The following PPM1A variants were observed in gnomAD, a reference collection of about 807,000 sequenced individuals.
PPM1A encodes the protein protein phosphatase 1A.
Under a neutral mutation model 35.0 loss-of-function variants are expected in PPM1A, and 7 were observed. The ratio of observed to expected loss-of-function variants is 0.20; its 90% CI spans 0.11 to 0.38. PPM1A has a LOEUF of 0.38. PPM1A is among the 10% of genes least tolerant of loss of function. PPM1A has a pLI of 1.00. For missense variants in PPM1A, 239 were observed against 467.8 expected, an observed-to-expected ratio of 0.51 and a Z score of 4.51; for synonymous variants, 153 against 167.3, an observed-to-expected ratio of 0.91 and a Z score of 0.66.
At chr14:60,279,162 G>A (rs916409937) in intron 1 of PPM1A, among the ~76,000 whole-genome samples, 5 of 152,082 alleles carry the variant, frequency 3.3e-5, no homozygotes, top group South Asian at 4.1e-4. Flanking sequence ...CTTGCTGCCC[G>A]GGCTAGAGTG....
intron 2 of PPM1A, among the ~76,000 whole-genome samples, 183 bp from the exon 3 acceptor site, chr14:60,285,441 C>G (rs1006482250): frequency 1.3e-5 from 2 of 150,654 alleles, no homozygotes; most frequent in South Asian, 2.1e-4. Context: ...CTATACTGTT[C>G]GGGGGAGGGG....
intron 3 of PPM1A, chr14:60,286,692 C>CT (rs1193265905): frequency 7.1e-6 from 7 of 984,318 alleles, no homozygotes; most frequent in Non-Finnish European, 8.4e-6. Flanking sequence ...TTTTTTTCCC[C>CT]TTTTTACTGT....
At chr14:60,281,885 A>C (rs1386124134) in intron 1 of PPM1A, among the ~76,000 whole-genome samples, 1 of 152,212 alleles carries the variant, frequency 6.6e-6, no homozygotes, top group Non-Finnish European at 1.5e-5. Context: ...TGTTATTACT[A>C]TATGATTAAT....
At chr14:60,247,576 G>GTA (rs1881865862), upstream of PPM1A, among the ~76,000 whole-genome samples, 2 of 143,792 alleles carry the variant, frequency 1.4e-5, no homozygotes, top group Admixed American at 7.3e-5. Context: ...CTTGCAGTGA[G>GTA]CCGAGATTGT....
chr14:60,288,591 G>T (rs1453401581), intron 3 of PPM1A: 7 of 799,884 alleles, frequency 8.8e-6, no homozygotes, highest in African/African-American at 1.9e-5. Context: ...ATTTAAGACT[G>T]TTTTTTTTTT....
intron 3 of PPM1A, chr14:60,287,813 T>C (rs1887191318): frequency 1.0e-6 from 1 of 983,266 alleles, no homozygotes; most frequent in Non-Finnish European, 1.2e-6. Flanking sequence ...AATTATACTT[T>C]TGTGTATATA....
intron 1 of PPM1A, among the ~76,000 whole-genome samples, chr14:60,272,389 G>C (rs1429787189): frequency 6.6e-6 from 1 of 151,222 alleles, no homozygotes; most frequent in Admixed American, 6.6e-5. Context: ...GGAGTGTTGG[G>C]GGGATGAGGG....
rs1243503121 is a variant in PPM1A at position 60,249,724 on chromosome 14, C to T, written c.-21+47C>T. ...ACGGCGGGCTGGCGGGCGGTGCGGG[C>T]CTGCGCGGCGGCGGCGGCGGGCAGG... is the stretch of plus-strand genomic sequence containing the variant. On this transcript the variant is annotated intron_variant, in intron 1 of 5. Coordinates refer to ENST00000395076, the MANE Select transcript of PPM1A (RefSeq NM_021003.5). The surrounding 1 kb of genome is among the most constrained non-coding windows in gnomAD (Gnocchi z 4.5). The T allele has an allele frequency of 4.1e-6, 4 of 975,708 alleles. No individual in the cohort carries two copies. The African/African-American group carries it at 5.3e-5, about 13-fold the overall frequency. 60.4% of individuals were successfully genotyped at this position (975,708 alleles called of 1,614,324 possible). A position where few individuals can be genotyped will look rare whatever the true frequency, so the allele number is the denominator to read the frequency against.
At chr14:60,277,134 A>T in intron 1 of PPM1A, 2 of 850,732 alleles carry the variant, frequency 2.4e-6, no homozygotes, top group Non-Finnish European at 3.1e-6. Context: ...AAAAACTTTC[A>T]TGGACAAATT....
At chr14:60,258,806 G>A (rs1308521997) in intron 1 of PPM1A, among the ~76,000 whole-genome samples, 2 of 152,038 alleles carry the variant, frequency 1.3e-5, no homozygotes, top group East Asian at 1.9e-4. Flanking sequence ...TCATGTATTC[G>A]TCAAGTGTCA....
In PPM1A at chr14:60,296,957, G is replaced by C; in HGVS notation, c.*4475G>C. 1 of 249,682 alleles carries C rather than the reference G, an allele frequency of 4.0e-6. No individual in the cohort carries two copies. Among genetic ancestry groups the C allele is most frequent in the African/African-American group, 2.2e-5 (1 of 45,686 alleles). 15.5% of individuals were successfully genotyped at this position (249,682 alleles called of 1,614,324 possible). A position where few individuals can be genotyped will look rare whatever the true frequency, so the allele number is the denominator to read the frequency against. ...ATTTATATTACTAGCAGGTAGGAGT[G>C]CTAATTAGAAAAACTTAGATGGTAT... On this transcript the variant is annotated 3_prime_UTR_variant, in exon 6 of 6. Transcript: ENST00000395076. The surrounding 1 kb of genome is among the most constrained non-coding windows in gnomAD (Gnocchi z 4.4).
rs1041563578 is a variant in PPM1A at position 60,293,520 on chromosome 14, T to C, written c.*1038T>C. ...TCCTTCCATTAGAAAGACTAAAAGATTTAATTCTTGGTTGTACCTTAATCT... is the reference window on the plus strand; with the variant it reads ...TCCTTCCATTAGAAAGACTAAAAGACTTAATTCTTGGTTGTACCTTAATCT... On this transcript the variant is annotated 3_prime_UTR_variant, in exon 6 of 6. Transcript: ENST00000395076. The surrounding 1 kb of genome is among the most constrained non-coding windows in gnomAD (Gnocchi z 4.0). 1.3e-5 allele frequency: 2 copies of C among 152,040 alleles called. No individual in the cohort carries two copies. Among genetic ancestry groups the C allele is most frequent in the South Asian group, 2.1e-4 (1 of 4,830 alleles). The allele number at this position is 152,040 out of a possible 1,614,324, so 9.4% of individuals were successfully genotyped here. A position where few individuals can be genotyped will look rare whatever the true frequency, so the allele number is the denominator to read the frequency against.
At chr14:60,261,365 G>A (rs1485664897) in intron 1 of PPM1A, among the ~76,000 whole-genome samples, 1 of 152,084 alleles carries the variant, frequency 6.6e-6, no homozygotes, top group Non-Finnish European at 1.5e-5. Context: ...TAAAACATAG[G>A]TAAAATATTT....
Position 60,283,596 on chromosome 14 carries a change from A to T in PPM1A, c.834+59A>T. 6.7e-7 allele frequency: 1 copy of T among 1,487,076 alleles called. No homozygotes were observed. The highest frequency in any genetic ancestry group is 9.0e-7 in the Non-Finnish European group (1 of 1,110,476). The allele number at this position is 1,487,076 out of a possible 1,614,324, so 92.1% of individuals were successfully genotyped here. ...TTTATGCCATATTAATCACTACTCTAGTATTTAATCATCTTAGAATCTGTA... is the reference window on the plus strand; with the variant it reads ...TTTATGCCATATTAATCACTACTCTTGTATTTAATCATCTTAGAATCTGTA... On this transcript the variant is annotated intron_variant, in intron 2 of 5. Transcript: ENST00000395076. This position sits in a 1 kb window ranked among gnomAD's most constrained non-coding sequence, Gnocchi z 6.3.
chr14:60,277,985 C>T (rs1401866769), intron 1 of PPM1A, among the ~76,000 whole-genome samples: 1 of 152,212 alleles, frequency 6.6e-6, no homozygotes, highest in Non-Finnish European at 1.5e-5. Context: ...TGACCTTCAG[C>T]AGATGACTTA....
chr14:60,272,638 C>T (rs1431220994), intron 1 of PPM1A, among the ~76,000 whole-genome samples: 2 of 144,450 alleles, frequency 1.4e-5, no homozygotes, highest in Non-Finnish European at 3.0e-5. Context: ...AAGCCGGGAG[C>T]CAAGATCATG....
chr14:60,250,180 T>G (rs1170937077), intron 1 of PPM1A, among the ~76,000 whole-genome samples: 1 of 152,152 alleles, frequency 6.6e-6, no homozygotes, highest in Non-Finnish European at 1.5e-5. Flanking sequence ...TAGAAATTGC[T>G]TAAGGTTTTA....
intron 1 of PPM1A, among the ~76,000 whole-genome samples, chr14:60,255,193 A>G (rs1882950925): frequency 8.4e-6 from 1 of 119,746 alleles, no homozygotes; most frequent in Non-Finnish European, 1.6e-5. Context: ...TGTTTTTGAG[A>G]CAGAGTCTCG....
At chr14:60,279,418 A>G (rs745720492) in intron 1 of PPM1A, among the ~76,000 whole-genome samples, 7 of 152,052 alleles carry the variant, frequency 4.6e-5, no homozygotes, top group Non-Finnish European at 8.8e-5. Context: ...CGCTCGGCCT[A>G]TTTTATCTTT....
Sources: gnomAD v4.1 joint callset for allele counts (sites outside exome capture counted in the v4.1 genomes callset) on GRCh38, gnomAD v4.1.1 for gene constraint, Gnocchi (gnomAD v3.1) non-coding constraint, MANE v1.5 for transcripts, NCBI Gene and HGNC (gene_info 2026-07-23, HGNC 2026-07-21) for gene names.